NTN4: variants seen among roughly 807,000 people sequenced by gnomAD.
NTN4 encodes the protein netrin-4.
NTN4 carries 32 observed loss-of-function variants against 73.6 expected under a neutral mutation model. That is an observed-to-expected ratio of 0.44 (90% CI 0.33 to 0.58). NTN4 has a LOEUF of 0.58. Ranked by LOEUF, NTN4 falls within the 20% of genes least tolerant of loss-of-function variation. The pLI is 0.04. For missense variants in NTN4, 654 were observed against 798.3 expected, an observed-to-expected ratio of 0.82 and a Z score of 2.18; for synonymous variants, 258 against 287.5, an observed-to-expected ratio of 0.90 and a Z score of 1.04.
At chr12:95,748,002 C>A (rs555935597) in intron 2 of NTN4, among the ~76,000 whole-genome samples, 1 of 151,758 alleles carries the variant, frequency 6.6e-6, no homozygotes, top group Non-Finnish European at 1.5e-5. Context: ...GAGGCTGAGG[C>A]GGGTGGATCA....
At chr12:95,773,773 A>G (rs1480444443) in intron 2 of NTN4, among the ~76,000 whole-genome samples, 1 of 151,918 alleles carries the variant, frequency 6.6e-6, no homozygotes, top group Non-Finnish European at 1.5e-5. Context: ...CATTCTACAT[A>G]TTTTACTTAT....
At chr12:95,741,336 TA>T (rs2121187216) in intron 2 of NTN4, among the ~76,000 whole-genome samples, 1 of 144,882 alleles carries the variant, frequency 6.9e-6, no homozygotes, top group Non-Finnish European at 1.5e-5. Flanking sequence ...TATTATATAT[TA>T]AATACAATTA....
chr12:95,789,578 C>T lies in NTN4; in HGVS notation c.55+677G>A, dbSNP rs2079193149. On this transcript the variant is annotated intron_variant, in intron 1 of 9. Coordinates refer to ENST00000343702, the MANE Select transcript of NTN4 (RefSeq NM_021229.4). This position sits in a 1 kb window ranked among gnomAD's most constrained non-coding sequence, Gnocchi z 4.0. ...GGGAGAGGGCATCTGCCGACGCCGACGCCGGTTGTCCAGTTACCGAGCCAG... is the reference window on the plus strand; with the variant it reads ...GGGAGAGGGCATCTGCCGACGCCGATGCCGGTTGTCCAGTTACCGAGCCAG... Among the ~76,000 whole-genome samples the T allele has an allele frequency of 6.6e-6, 1 of 152,162 alleles. No individual in the cohort carries two copies. The highest frequency in any genetic ancestry group is 2.4e-5 in the African/African-American group (1 of 41,436).
intron 9 of NTN4, among the ~76,000 whole-genome samples, chr12:95,662,448 C>G (rs888433413): frequency 1.3e-5 from 2 of 151,944 alleles, no homozygotes; most frequent in Non-Finnish European, 2.9e-5. Context: ...CCAGGCTGCC[C>G]TCGAACTCCT....
At chr12:95,769,235 A>T (rs1473880308) in intron 2 of NTN4, among the ~76,000 whole-genome samples, 1 of 152,124 alleles carries the variant, frequency 6.6e-6, no homozygotes, top group African/African-American at 2.4e-5. Context: ...AAACAGTGAG[A>T]TTGAGCTGGG....
chr12:95,776,770 A>C lies in NTN4; in HGVS notation c.585+10169T>G, dbSNP rs539531743. Among the ~76,000 whole-genome samples the C allele has an allele frequency of 4.6e-5, 7 of 152,344 alleles. No homozygotes were observed. The South Asian group carries it at 1.5e-3, about 32-fold the overall frequency. ...TTATCCAGGAGAACTTCCCCAACCTAGCAAGGCAGGCCAACATTCAAATTC... is the reference window on the plus strand; with the variant it reads ...TTATCCAGGAGAACTTCCCCAACCTCGCAAGGCAGGCCAACATTCAAATTC... On this transcript the variant is annotated intron_variant, in intron 2 of 9. Transcript: ENST00000343702.
intron 2 of NTN4, among the ~76,000 whole-genome samples, chr12:95,766,104 G>A (rs2079019715): frequency 6.6e-6 from 1 of 152,140 alleles, no homozygotes; most frequent in Non-Finnish European, 1.5e-5. Context: ...TTTTTCCTCT[G>A]CCTTCCTTTT....
chr12:95,661,499 A>G (rs930365725), intron 9 of NTN4, among the ~76,000 whole-genome samples: 1 of 152,190 alleles, frequency 6.6e-6, no homozygotes. Flanking sequence ...ACTCTTTTCT[A>G]TCTCTAAAGG....
At chr12:95,762,712 T>C (rs1024169066) in intron 2 of NTN4, among the ~76,000 whole-genome samples, 15 of 152,182 alleles carry the variant, frequency 9.9e-5, no homozygotes, top group African/African-American at 3.6e-4. Context: ...TGGTATGAAA[T>C]TAGTCTGTTT....
chr12:95,735,208 T>C (rs1035598158), intron 3 of NTN4, among the ~76,000 whole-genome samples: 2 of 151,916 alleles, frequency 1.3e-5, no homozygotes, highest in Non-Finnish European at 2.9e-5. Context: ...CCGTGGCTGC[T>C]ATTGGTCCAA....
chr12:95,781,396 A>T lies in NTN4; in HGVS notation c.585+5543T>A, dbSNP rs1412235186. Among the ~76,000 whole-genome samples, 1 of 152,230 alleles carries T rather than the reference A, an allele frequency of 6.6e-6. No individual in the cohort carries two copies. Among genetic ancestry groups the T allele is most frequent in the Non-Finnish European group, 1.5e-5 (1 of 68,042 alleles). Reference sequence around the variant, plus strand: ...TCATGAAAACTTGCCAGGAACTCATAGTCCTTGTCACTGTCCATTCTATCA... The same window carrying T: ...TCATGAAAACTTGCCAGGAACTCATTGTCCTTGTCACTGTCCATTCTATCA... On this transcript the variant is annotated intron_variant, in intron 2 of 9. Coordinates refer to ENST00000343702, the MANE Select transcript of NTN4 (RefSeq NM_021229.4). The surrounding 1 kb of genome is among the most constrained non-coding windows in gnomAD (Gnocchi z 4.1).
intron 9 of NTN4, among the ~76,000 whole-genome samples, chr12:95,660,898 T>G (rs908502899): frequency 1.3e-5 from 2 of 152,216 alleles, no homozygotes; most frequent in Non-Finnish European, 2.9e-5. Flanking sequence ...ACAGGCCTCT[T>G]GGAAAACGGC....
At position 95,659,202 on chromosome 12, in the gene NTN4, C is replaced by G; in HGVS notation, c.1771G>C (p.Gly591Arg). Residue 591 changes from glycine to arginine, a missense_variant, in exon 10 of 10, where the codon GGA becomes CGA. By Grantham distance (125) the Gly-to-Arg change is moderately radical. Coordinates refer to ENST00000343702, the MANE Select transcript of NTN4 (RefSeq NM_021229.4). Reference protein sequence around the residue: ...LNPGLEYLVAGHEDIRTGKLI... With the variant: ...LNPGLEYLVARHEDIRTGKLI... ...TTGCCTGTTCTTATATCCTCATGTC[C>G]TGCTACAAGGTATTCCAAACCTAAA... 3.1e-6 allele frequency: 5 copies of G among 1,613,314 alleles called. No individual in the cohort carries two copies. Among genetic ancestry groups the G allele is most frequent in the Non-Finnish European group, 3.4e-6 (4 of 1,179,684 alleles).
chr12:95,742,729 T>C (rs1403813671), intron 2 of NTN4, among the ~76,000 whole-genome samples: 1 of 152,224 alleles, frequency 6.6e-6, no homozygotes, highest in Non-Finnish European at 1.5e-5. Context: ...GTATCTCACA[T>C]CAGACTCAGT....
chr12:95,700,875 G>A (rs1319008015), intron 5 of NTN4, among the ~76,000 whole-genome samples: 2 of 136,484 alleles, frequency 1.5e-5, no homozygotes, highest in Non-Finnish European at 3.0e-5. Context: ...GTGCAGTGGT[G>A]CAATCTTGGC....
chr12:95,709,534 CTCTCTCT>C (rs934872405), intron 5 of NTN4, among the ~76,000 whole-genome samples: 3 of 140,358 alleles, frequency 2.1e-5, no homozygotes, highest in Admixed American at 7.3e-5. Flanking sequence ...CTCTCTCTCT[CTCTCTCT>C]TTTTTTTTTT....
chr12:95,743,020 T>C (rs1000871715), intron 2 of NTN4, among the ~76,000 whole-genome samples: 21 of 152,254 alleles, frequency 1.4e-4, no homozygotes, highest in African/African-American at 5.1e-4. Context: ...GTAATACATT[T>C]CAAAATGCTT....
chr12:95,698,057 G>C (rs1004060488), intron 5 of NTN4, among the ~76,000 whole-genome samples: 4 of 152,270 alleles, frequency 2.6e-5, no homozygotes, highest in African/African-American at 9.6e-5. Flanking sequence ...ACAGTATACA[G>C]GGGGGTGTGC....
chr12:95,668,256 C>T (rs1157759257), intron 8 of NTN4, among the ~76,000 whole-genome samples: 2 of 151,262 alleles, frequency 1.3e-5, no homozygotes, highest in African/African-American at 2.4e-5. Flanking sequence ...ACATTAAGAG[C>T]GTTCAAATTC....
Sources: allele counts gnomAD v4.1 joint callset (sites outside exome capture counted in the v4.1 genomes callset), GRCh38; gene constraint gnomAD v4.1.1; non-coding constraint Gnocchi (gnomAD v3.1); transcripts MANE v1.5; gene names NCBI Gene and HGNC (gene_info 2026-07-23, HGNC 2026-07-21).